Variants in ADCY3 observed in about 807,000 individuals in gnomAD.
ADCY3 encodes the protein adenylate cyclase type 3.
In ADCY3, 70 loss-of-function variants were observed where a neutral mutation model predicts 119.4. That is an observed-to-expected ratio of 0.59 (90% confidence interval 0.48 to 0.72). The LOEUF (loss-of-function observed/expected upper bound fraction) is 0.72. ADCY3 is among the 30% of genes least tolerant of loss of function. The pLI is 0.00. For missense variants in ADCY3, 1,238 were observed against 1,541.6 expected (o/e 0.80, Z 3.30); for synonymous variants, 672 against 621.4 (o/e 1.08, Z -1.21).
intron 2 of ADCY3, among the ~76,000 whole-genome samples, chr2:24,884,985 A>T (rs990945682): frequency 7.9e-5 from 12 of 151,996 alleles, no homozygotes; most frequent in African/African-American, 2.9e-4. Context: ...GTCCTTTCCA[A>T]TTTTCCTTCT....
At chr2:24,827,812 C>T (rs1204731568) in intron 14 of ADCY3, 90 bp downstream of exon 14, 1 of 1,570,712 alleles carries the variant, frequency 6.4e-7, no homozygotes, top group East Asian at 2.2e-5. Context: ...GGCAGAAAGC[C>T]ACCTCAGCAC....
intron 2 of ADCY3, among the ~76,000 whole-genome samples, chr2:24,900,802 T>C (rs1029865380): frequency 1.3e-5 from 2 of 152,194 alleles, no homozygotes; most frequent in African/African-American, 2.4e-5. Context: ...GGGTGGCTCA[T>C]GCCTGTAATC....
intron 2 of ADCY3, among the ~76,000 whole-genome samples, chr2:24,906,612 G>A (rs1033173311): frequency 1.3e-5 from 2 of 152,238 alleles, no homozygotes; most frequent in African/African-American, 2.4e-5. Context: ...CCAGCCCCAC[G>A]TGGGAGGATG....
At chr2:24,864,639 C>T (rs1198056906) in intron 3 of ADCY3, among the ~76,000 whole-genome samples, 1 of 152,124 alleles carries the variant, frequency 6.6e-6, no homozygotes, top group Non-Finnish European at 1.5e-5. Context: ...TACATGATTC[C>T]GCTTATATAA....
At chr2:24,900,555 C>A (rs1292965966) in intron 2 of ADCY3, among the ~76,000 whole-genome samples, 1 of 151,766 alleles carries the variant, frequency 6.6e-6, no homozygotes, top group Non-Finnish European at 1.5e-5. Context: ...CCTGGGCAAA[C>A]AGGAGAAGGC....
rs1277036128 is a variant in ADCY3 at position 24,872,850 on chromosome 2, G to C, written c.676-131C>G. The C allele has an allele frequency of 9.2e-7, 1 of 1,090,390 alleles. No individual in the cohort carries two copies. Among genetic ancestry groups the C allele is most frequent in the Non-Finnish European group, 1.3e-6 (1 of 759,668 alleles). The allele number at this position is 1,090,390 out of a possible 1,614,324, so 67.5% of individuals were successfully genotyped here. A position where few individuals can be genotyped will look rare whatever the true frequency, so the allele number is the denominator to read the frequency against. On this transcript the variant is annotated intron_variant, in intron 2 of 21. Coordinates refer to ENST00000679454, the MANE Select transcript of ADCY3 (RefSeq NM_004036.5). The surrounding 1 kb of genome is among the most constrained non-coding windows in gnomAD (Gnocchi z 4.4). ...CAAACCTCAAGTTGCCCAATGTCCA[G>C]GGAGGGGCCCAGCACAGCCTTGGAC... is the stretch of plus-strand genomic sequence containing the variant.
Position 24,919,077 on chromosome 2 carries a change from ACCGGG to A in ADCY3, c.-95_-91del. On this transcript the variant is annotated 5_prime_UTR_variant, in exon 2 of 22. Coordinates refer to ENST00000679454, the MANE Select transcript of ADCY3 (RefSeq NM_004036.5). The surrounding 1 kb of genome is among the most constrained non-coding windows in gnomAD (Gnocchi z 5.5). ...GGGCCTCCTCTCAGGGCTCTCTGAG[ACCGGG>A]GGAGGGCTGAGGGCCTCTTCTTGTC... 3 of 1,366,206 alleles carry A rather than the reference ACCGGG, an allele frequency of 2.2e-6. No homozygotes were observed. Among genetic ancestry groups the A allele is most frequent in the Non-Finnish European group, 2.9e-6 (3 of 1,030,448 alleles). The allele number at this position is 1,366,206 out of a possible 1,614,324, so 84.6% of individuals were successfully genotyped here.
intron 2 of ADCY3, among the ~76,000 whole-genome samples, chr2:24,905,916 T>C (rs1407223069): frequency 6.6e-6 from 1 of 152,174 alleles, no homozygotes; most frequent in African/African-American, 2.4e-5. Context: ...ACGCCAGTGC[T>C]TTGACCCAGA....
chr2:24,831,907 A>C (rs1456204466), intron 11 of ADCY3, among the ~76,000 whole-genome samples, 158 bp from the exon 12 acceptor site: 68 of 88,520 alleles, frequency 7.7e-4, no homozygotes, highest in Non-Finnish European at 1.0e-3. Context: ...GGGACAGCGG[A>C]CAGGGGCCAG....
rs1046782840 is a variant in ADCY3 at position 24,834,706 on chromosome 2, G to A, written c.1806-60C>T. On this transcript the variant is annotated intron_variant, in intron 10 of 21. Transcript: ENST00000679454. The surrounding 1 kb of genome is among the most constrained non-coding windows in gnomAD (Gnocchi z 4.2). ...CCACATCTGCCTTGGCCTAGCAGGG[G>A]GGCCGTATTTGGGATGCTCAGTTTC... 3.7e-6 allele frequency: 6 copies of A among 1,603,650 alleles called. No homozygotes were observed. The African/African-American group carries it at 8.0e-5, about 21-fold the overall frequency.
Position 24,820,807 on chromosome 2 carries a change from G to C in ADCY3, c.3169C>G (p.Arg1057Gly). 1 of 1,613,988 alleles carries C rather than the reference G, an allele frequency of 6.2e-7. No homozygotes were observed. Among genetic ancestry groups the C allele is most frequent in the Non-Finnish European group, 8.5e-7 (1 of 1,179,992 alleles). ...GGVLAGVIGA[R>G]KPHYDIWGNT... Reference sequence around the variant, plus strand: ...CCCCAGATGTCGTAGTGTGGTTTCCGGGCTCCGATGACCCCAGCCAGAACC... The same window carrying C: ...CCCCAGATGTCGTAGTGTGGTTTCCCGGCTCCGATGACCCCAGCCAGAACC... Residue 1057 changes from arginine (R) to glycine (G), a missense_variant, in exon 21 of 22, where the codon CGG becomes GGG. By Grantham distance (125) the Arg-to-Gly change is moderately radical (BLOSUM62 -2). Coordinates refer to ENST00000679454, the MANE Select transcript of ADCY3 (RefSeq NM_004036.5).
Position 24,870,769 on chromosome 2 carries a change from A to C in ADCY3, c.825+1801T>G, listed in dbSNP as rs115044130. 2.3e-3 allele frequency among the ~76,000 whole-genome samples: 344 copies of C among 152,326 alleles called. 1 individual carries two copies. Among genetic ancestry groups the C allele is most frequent in the Admixed American group, 5.7e-3 (87 of 15,304 alleles). On this transcript the variant is annotated intron_variant, in intron 3 of 21. Transcript: ENST00000679454. ...CCCTGGGTGTTAGAAAGCAGGCCTC[A>C]TGGCCCCGTGCACTCGGCCTACCTC...
In ADCY3 at chr2:24,868,980, C is replaced by T. The variant is rs1031425170; in HGVS notation, c.825+3590G>A. Among the ~76,000 whole-genome samples the T allele has an allele frequency of 5.3e-5, 8 of 152,234 alleles. No individual in the cohort carries two copies. The East Asian group carries it at 5.8e-4, about 11-fold the overall frequency. On this transcript the variant is annotated intron_variant, in intron 3 of 21. Coordinates refer to ENST00000679454, the MANE Select transcript of ADCY3 (RefSeq NM_004036.5). Reference sequence around the variant, plus strand: ...CAGAGCTTGCAGTGAGCCTAGATCGCGCCACTGCACTCCAGCCTAAGTGAC... The same window carrying T: ...CAGAGCTTGCAGTGAGCCTAGATCGTGCCACTGCACTCCAGCCTAAGTGAC...
Position 24,834,142 on chromosome 2 carries a change from A to C in ADCY3, c.1967+343T>G, listed in dbSNP as rs1290441220. ...GGGGCCAGGTCAGCCTTGGTGACTG[A>C]GACTGACGCAGTGTCCCCATCTTTG... is the stretch of plus-strand genomic sequence containing the variant. On this transcript the variant is annotated intron_variant, in intron 11 of 21. Transcript: ENST00000679454. The surrounding 1 kb of genome is among the most constrained non-coding windows in gnomAD (Gnocchi z 4.2). 6.6e-6 allele frequency among the ~76,000 whole-genome samples: 1 copy of C among 152,204 alleles called. No homozygotes were observed. Among genetic ancestry groups the C allele is most frequent in the African/African-American group, 2.4e-5 (1 of 41,456 alleles).
intron 2 of ADCY3, among the ~76,000 whole-genome samples, chr2:24,881,477 A>G (rs866166873): frequency 2.4e-4 from 37 of 152,336 alleles, no homozygotes; most frequent in African/African-American, 8.2e-4. Flanking sequence ...CTGGGTGGAG[A>G]AGACACTAGC....
intron 2 of ADCY3, among the ~76,000 whole-genome samples, chr2:24,903,120 C>T (rs1367295216): frequency 6.8e-6 from 1 of 146,850 alleles, no homozygotes; most frequent in Non-Finnish European, 1.5e-5. Context: ...GCACTCTAGC[C>T]TGGGTGACAC....
chr2:24,877,815 C>A, intron 2 of ADCY3: 1 of 460,878 alleles, frequency 2.2e-6, no homozygotes, highest in Non-Finnish European at 4.5e-6. Context: ...GCTCCTTGGC[C>A]TGGGGCGAGA....
At chr2:24,866,525 A>G (rs1242570239) in intron 3 of ADCY3, among the ~76,000 whole-genome samples, 1 of 135,022 alleles carries the variant, frequency 7.4e-6, no homozygotes, top group African/African-American at 2.8e-5. Context: ...TGCATAAGCC[A>G]CTGCACTCCA....
intron 14 of ADCY3, 22 bp from the exon 15 acceptor site, chr2:24,827,630 A>G (rs773867955): frequency 3.2e-6 from 5 of 1,573,104 alleles, no homozygotes; most frequent in Non-Finnish European, 4.3e-6. Flanking sequence ...ATAACAGCAC[A>G]GTCAGGCCCC....
Sources: gnomAD v4.1 joint callset for allele counts (sites outside exome capture counted in the v4.1 genomes callset) on GRCh38, gnomAD v4.1.1 for gene constraint, Gnocchi (gnomAD v3.1) non-coding constraint, MANE v1.5 for transcripts, NCBI Gene and HGNC (gene_info 2026-07-23, HGNC 2026-07-21) for gene names.